The following FIGN variants were observed in gnomAD, a reference collection of about 807,000 sequenced individuals.
FIGN encodes fidgetin, microtubule severing factor, also known as fidgetin.
A neutral mutation model predicts 51.3 loss-of-function variants in FIGN; 11 were observed. The observed-to-expected ratio is 0.21, with a 90% confidence interval of 0.13 to 0.35. The LOEUF (loss-of-function observed/expected upper bound fraction) is 0.35, where lower values mean the gene tolerates loss of function less well. Ranked by LOEUF, FIGN falls within the 10% of genes least tolerant of loss-of-function variation. The probability of loss-of-function intolerance (pLI) is 1.00; values close to 1 mark genes in which losing one functional copy is unlikely to be tolerated. For missense variants in FIGN, 857 were observed against 943.6 expected, an observed-to-expected ratio of 0.91 and a Z score of 1.20; for synonymous variants, 407 against 363.2, an observed-to-expected ratio of 1.12 and a Z score of -1.37.
chr2:163,678,746 C>G (rs1232923486), intron 2 of FIGN, among the ~76,000 whole-genome samples: 1 of 152,090 alleles, frequency 6.6e-6, no homozygotes, highest in African/African-American at 2.4e-5. Context: ...TCACTCTGGG[C>G]CATGGAAGAT....
chr2:163,616,554 G>A (rs1032473385), intron 2 of FIGN, among the ~76,000 whole-genome samples: 2 of 152,066 alleles, frequency 1.3e-5, no homozygotes, highest in African/African-American at 2.4e-5. Flanking sequence ...CTAAGGGCAG[G>A]GACCTGAGGC....
At chr2:163,730,534 G>A (rs1027782031) in intron 2 of FIGN, among the ~76,000 whole-genome samples, 1 of 151,204 alleles carries the variant, frequency 6.6e-6, no homozygotes, top group Non-Finnish European at 1.5e-5. Context: ...GTGTGTGTGT[G>A]TGTGAATTGA....
intron 2 of FIGN, among the ~76,000 whole-genome samples, chr2:163,686,661 T>C (rs1274318477): frequency 6.6e-6 from 1 of 152,064 alleles, no homozygotes; most frequent in Non-Finnish European, 1.5e-5. Flanking sequence ...ATCAATTTTA[T>C]TGAATCAATT....
chr2:163,717,881 TGAAATG>T (rs1393120167), intron 2 of FIGN, among the ~76,000 whole-genome samples: 2 of 152,158 alleles, frequency 1.3e-5, no homozygotes, highest in African/African-American at 4.8e-5. Flanking sequence ...TAACCTTTCT[TGAAATG>T]TAAATGAATG....
At chr2:163,720,995 A>T (rs1021086357) in intron 2 of FIGN, among the ~76,000 whole-genome samples, 1 of 151,876 alleles carries the variant, frequency 6.6e-6, no homozygotes, top group African/African-American at 2.4e-5. Flanking sequence ...AGTAAATAAA[A>T]AGAAAGGGAA....
At chr2:163,621,709 T>A (rs1302538881) in intron 2 of FIGN, among the ~76,000 whole-genome samples, 1 of 152,192 alleles carries the variant, frequency 6.6e-6, no homozygotes, top group African/African-American at 2.4e-5. Flanking sequence ...GATTTCCAGA[T>A]AGACTGAACA....
At chr2:163,656,868 G>C (rs765429962) in intron 2 of FIGN, among the ~76,000 whole-genome samples, 8 of 152,052 alleles carry the variant, frequency 5.3e-5, no homozygotes, top group Non-Finnish European at 1.0e-4. Context: ...TCTACCTTTA[G>C]AGCCCAGGAA....
At chr2:163,692,564 T>C (rs1050390371) in intron 2 of FIGN, among the ~76,000 whole-genome samples, 6 of 152,188 alleles carry the variant, frequency 3.9e-5, no homozygotes, top group African/African-American at 7.2e-5. Flanking sequence ...CAATCTATTA[T>C]AGATTTCTTT....
At chr2:163,694,836 G>A (rs941290226) in intron 2 of FIGN, among the ~76,000 whole-genome samples, 1 of 152,082 alleles carries the variant, frequency 6.6e-6, no homozygotes, top group Non-Finnish European at 1.5e-5. Flanking sequence ...AATTGTGTTA[G>A]AGATGGGGAT....
chr2:163,682,425 C>G (rs1454762630), intron 2 of FIGN, among the ~76,000 whole-genome samples: 1 of 152,134 alleles, frequency 6.6e-6, no homozygotes, highest in Admixed American at 6.5e-5. Flanking sequence ...TTTGTCTATG[C>G]TGGAGGAGAT....
intron 2 of FIGN, among the ~76,000 whole-genome samples, chr2:163,687,381 A>C (rs1338026010): frequency 6.6e-6 from 1 of 152,240 alleles, no homozygotes; most frequent in Non-Finnish European, 1.5e-5. Flanking sequence ...TTTAGAGAGC[A>C]GAACACACTG....
At chr2:163,655,380 G>A (rs565143779) in intron 2 of FIGN, among the ~76,000 whole-genome samples, 1 of 152,244 alleles carries the variant, frequency 6.6e-6, no homozygotes, top group South Asian at 2.1e-4. Context: ...GATGTGCTAT[G>A]ACTCTAAAGG....
rs1691027261 is a variant in FIGN at position 163,603,790 on chromosome 2, C to A, written c.*5762G>T. Reference sequence around the variant, plus strand: ...TCATCGATTGGGTGGGTGGTGAACCCCTTTCAGCATTTTTTAAAACTAAGT... The same window carrying A: ...TCATCGATTGGGTGGGTGGTGAACCACTTTCAGCATTTTTTAAAACTAAGT... On this transcript the variant is annotated 3_prime_UTR_variant, in exon 3 of 3. Coordinates refer to ENST00000333129, the MANE Select transcript of FIGN (RefSeq NM_018086.4). 6.6e-6 allele frequency: 1 copy of A among 151,996 alleles called. No homozygotes were observed. Among genetic ancestry groups the A allele is most frequent in the African/African-American group, 2.4e-5 (1 of 41,406 alleles). The allele number at this position is 151,996 out of a possible 1,614,324, so 9.4% of individuals were successfully genotyped here.
chr2:163,690,752 C>T (rs1007375612), intron 2 of FIGN, among the ~76,000 whole-genome samples: 1 of 151,564 alleles, frequency 6.6e-6, no homozygotes, highest in Non-Finnish European at 1.5e-5. Context: ...AATTGTGGCA[C>T]ATTTTAAAGA....
At chr2:163,675,536 G>C (rs1448613827) in intron 2 of FIGN, among the ~76,000 whole-genome samples, 1 of 152,128 alleles carries the variant, frequency 6.6e-6, no homozygotes, top group Admixed American at 6.5e-5. Context: ...ACTTTAACAA[G>C]TCTTCTGGGT....
chr2:163,679,362 G>C lies in FIGN; in HGVS notation c.25+55541C>G, dbSNP rs1176497798. The stretch of plus-strand genomic sequence containing the variant: ...ATACAAAAAATTAGCCAGGCATGGT[G>C]GCGGGCGCCTGTATTCCCAGTTACT... On this transcript the variant is annotated intron_variant, in intron 2 of 2. Coordinates refer to ENST00000333129, the MANE Select transcript of FIGN (RefSeq NM_018086.4). 2.0e-5 allele frequency among the ~76,000 whole-genome samples: 3 copies of C among 152,256 alleles called. No homozygotes were observed. In the East Asian group the frequency reaches 5.8e-4, roughly 29 times the overall value.
At chr2:163,702,281 C>T (rs946341242) in intron 2 of FIGN, among the ~76,000 whole-genome samples, 13 of 152,160 alleles carry the variant, frequency 8.5e-5, no homozygotes, top group African/African-American at 3.1e-4. Flanking sequence ...AAGCTTCAGG[C>T]TCCACAAAAC....
In FIGN at chr2:163,711,673, A is replaced by AC. The variant is rs1684591005; in HGVS notation, c.25+23229dup. Among the ~76,000 whole-genome samples, 3 of 151,358 alleles carry AC rather than the reference A, an allele frequency of 2.0e-5. No individual in the cohort carries two copies. The South Asian group carries it at 6.3e-4, about 32-fold the overall frequency. ...TTGTTTCTACAAAAAAAAAAAAAAA[A>AC]CTATTTCAGTGTCCAAAAAGGATAA... On this transcript the variant is annotated intron_variant, in intron 2 of 2. Transcript: ENST00000333129.
At chr2:163,698,159 A>T (rs1246333351) in intron 2 of FIGN, among the ~76,000 whole-genome samples, 1 of 152,142 alleles carries the variant, frequency 6.6e-6, no homozygotes, top group Non-Finnish European at 1.5e-5. Context: ...CAAGTTCTAT[A>T]AAAGGGATCT....
Sources: gnomAD v4.1 joint callset for allele counts (sites outside exome capture counted in the v4.1 genomes callset) on GRCh38, gnomAD v4.1.1 for gene constraint, MANE v1.5 for transcripts, NCBI Gene and HGNC (gene_info 2026-07-23, HGNC 2026-07-21) for gene names.